The following CFAP77 variants were observed in gnomAD, a reference collection of about 807,000 sequenced individuals.
The protein encoded by CFAP77 is cilia- and flagella-associated protein 77.
CFAP77 carries 25 observed loss-of-function variants against 31.1 expected under a neutral mutation model. That is an observed-to-expected ratio of 0.80 (90% CI 0.59 to 1.12). The LOEUF (loss-of-function observed/expected upper bound fraction) is 1.12. Ranked by LOEUF, CFAP77 falls within the 50% of genes most tolerant of loss-of-function variation. The pLI, the probability that CFAP77 is intolerant of heterozygous loss-of-function variation, is 0.00. For missense variants in CFAP77, 377 were observed against 397.3 expected, an observed-to-expected ratio of 0.95 and a Z score of 0.44; for synonymous variants, 151 against 159.9, an observed-to-expected ratio of 0.94 and a Z score of 0.42.
intron 5 of CFAP77, among the ~76,000 whole-genome samples, chr9:132,559,407 CAAAT>C (rs961487800): frequency 1.7e-5 from 2 of 118,828 alleles, no homozygotes; most frequent in African/African-American, 6.7e-5. Context: ...AGGAGATAAA[CAAAT>C]AAACACATGA....
intron 1 of CFAP77, among the ~76,000 whole-genome samples, chr9:132,438,968 C>G (rs562178615): frequency 4.0e-5 from 6 of 148,406 alleles, no homozygotes; most frequent in Admixed American, 6.7e-5. Flanking sequence ...CTCTGCCTCC[C>G]GGGTTCAAGC....
At chr9:132,432,841 G>A (rs1215035529) in intron 1 of CFAP77, among the ~76,000 whole-genome samples, 1 of 152,098 alleles carries the variant, frequency 6.6e-6, no homozygotes, top group Non-Finnish European at 1.5e-5. Flanking sequence ...AGCCTCCCGA[G>A]TAGCTGGGAC....
intron 1 of CFAP77, among the ~76,000 whole-genome samples, chr9:132,452,326 T>C (rs1056321836): frequency 6.6e-6 from 1 of 152,190 alleles, no homozygotes; most frequent in Non-Finnish European, 1.5e-5. Flanking sequence ...GTTGAGAACA[T>C]TCTTACAGCA....
intron 1 of CFAP77, among the ~76,000 whole-genome samples, chr9:132,493,802 C>T (rs746506028): frequency 1.1e-4 from 17 of 152,264 alleles, no homozygotes; most frequent in Non-Finnish European, 1.8e-4. Flanking sequence ...TGGTTGCCCA[C>T]AGTAACGTTC....
chr9:132,460,712 T>C (rs1475427929), intron 1 of CFAP77, among the ~76,000 whole-genome samples: 1 of 152,088 alleles, frequency 6.6e-6, no homozygotes, highest in African/African-American at 2.4e-5. Context: ...TGTGCAACAT[T>C]GTGAATCTAC....
At chr9:132,537,570 C>T (rs774679682) in intron 3 of CFAP77, 31 bp from the exon 4 acceptor site, 6 of 1,569,280 alleles carry the variant, frequency 3.8e-6, no homozygotes, top group African/African-American at 2.7e-5. Context: ...TTTCCGGGGC[C>T]TCAAGCTCTG....
At chr9:132,506,719 G>C (rs1851936519) in intron 3 of CFAP77, among the ~76,000 whole-genome samples, 1 of 152,134 alleles carries the variant, frequency 6.6e-6, no homozygotes, top group African/African-American at 2.4e-5. Flanking sequence ...CACTGCCGAG[G>C]TCCTCAGGAG....
At chr9:132,452,805 T>G (rs931783130) in intron 1 of CFAP77, among the ~76,000 whole-genome samples, 1 of 152,134 alleles carries the variant, frequency 6.6e-6, no homozygotes, top group African/African-American at 2.4e-5. Flanking sequence ...CTAAACAGCC[T>G]GGAGACCCAC....
At position 132,498,906 on chromosome 9, in the gene CFAP77, A is replaced by G; in HGVS notation, c.295+112A>G. 1.3e-6 allele frequency: 1 copy of G among 784,380 alleles called. No individual in the cohort carries two copies. Among genetic ancestry groups the G allele is most frequent in the Non-Finnish European group, 2.1e-6 (1 of 484,368 alleles). The allele number at this position is 784,380 out of a possible 1,614,324, so 48.6% of individuals were successfully genotyped here. On this transcript the variant is annotated intron_variant, in intron 2 of 5. Transcript: ENST00000393216. This position sits in a 1 kb window ranked among gnomAD's most constrained non-coding sequence, Gnocchi z 4.2. ...TTGGCAGCTGGTTGGGTGCTGGAGA[A>G]AGACCCAGGGACCGCCAGCCTGGGC...
rs564922926 is a variant in CFAP77 at position 132,495,986 on chromosome 9, C to T, written c.196-2709C>T. ...ATAAATGTCTATTGTTGAAGCCACC[C>T]AGTCAATGATAATTTGCTATGGCAG... On this transcript the variant is annotated intron_variant, in intron 1 of 5. Coordinates refer to ENST00000393216, the MANE Select transcript of CFAP77 (RefSeq NM_001282957.2). This position sits in a 1 kb window ranked among gnomAD's most constrained non-coding sequence, Gnocchi z 4.2. Among the ~76,000 whole-genome samples, 2 of 152,182 alleles carry T rather than the reference C, an allele frequency of 1.3e-5. No homozygotes were observed. Among genetic ancestry groups the T allele is most frequent in the Non-Finnish European group, 2.9e-5 (2 of 68,036 alleles).
intron 3 of CFAP77, among the ~76,000 whole-genome samples, chr9:132,523,558 C>T (rs1645983369): frequency 1.3e-5 from 2 of 152,196 alleles, no homozygotes; most frequent in South Asian, 2.1e-4. Context: ...ATCATGAAGG[C>T]CGTCGCTTTT....
chr9:132,467,269 A>G (rs984442069), intron 1 of CFAP77, among the ~76,000 whole-genome samples: 3 of 152,222 alleles, frequency 2.0e-5, no homozygotes, highest in Admixed American at 2.0e-4. Context: ...GTACCTTCAC[A>G]TCGTTTGTGT....
At chr9:132,542,448 C>T (rs531421871) in intron 4 of CFAP77, among the ~76,000 whole-genome samples, 2 of 152,334 alleles carry the variant, frequency 1.3e-5, no homozygotes, top group Non-Finnish European at 2.9e-5. Context: ...GAAATCACAC[C>T]TGCAGAGACA....
At chr9:132,516,956 C>T (rs1852158712) in intron 3 of CFAP77, among the ~76,000 whole-genome samples, 1 of 152,200 alleles carries the variant, frequency 6.6e-6, no homozygotes, top group Admixed American at 6.5e-5. Flanking sequence ...ACAGCCACGT[C>T]ATTCAGGAAG....
intron 5 of CFAP77, among the ~76,000 whole-genome samples, chr9:132,550,708 G>T (rs562986320): frequency 6.6e-6 from 1 of 151,856 alleles, no homozygotes; most frequent in African/African-American, 2.4e-5. Flanking sequence ...TAGAAACAGG[G>T]TCTCACTATG....
intron 1 of CFAP77, among the ~76,000 whole-genome samples, chr9:132,419,699 A>G (rs759205910): frequency 6.6e-6 from 1 of 151,360 alleles, no homozygotes; most frequent in African/African-American, 2.4e-5. Flanking sequence ...TTTCCTTTTT[A>G]TGCATTTAAG....
In CFAP77 at chr9:132,572,561, C is replaced by A; in HGVS notation, c.*51C>A. 6.4e-7 allele frequency: 1 copy of A among 1,561,170 alleles called. No homozygotes were observed. The stretch of plus-strand genomic sequence containing the variant: ...CCATCTTGACATAGTGGAAAATTCC[C>A]AGAAGGACTCCCTATCTTGCCCCAA... On this transcript the variant is annotated 3_prime_UTR_variant, in exon 6 of 6. Coordinates refer to ENST00000393216, the MANE Select transcript of CFAP77 (RefSeq NM_001282957.2).
chr9:132,505,526 T>G (rs573688338), intron 3 of CFAP77, among the ~76,000 whole-genome samples: 12 of 151,764 alleles, frequency 7.9e-5, no homozygotes, highest in Admixed American at 2.0e-4. Flanking sequence ...CGTGTAGACA[T>G]AGGGTCAGTC....
chr9:132,465,260 G>A (rs77299543), intron 1 of CFAP77, among the ~76,000 whole-genome samples: 1,636 of 152,158 alleles, frequency 0.011, 21 homozygotes, highest in African/African-American at 0.032. Context: ...TATGGAGTTC[G>A]ATTTTGGGTA....
Sources: gnomAD v4.1 joint callset for allele counts (sites outside exome capture counted in the v4.1 genomes callset) on GRCh38, gnomAD v4.1.1 for gene constraint, Gnocchi (gnomAD v3.1) non-coding constraint, MANE v1.5 for transcripts, NCBI Gene and HGNC (gene_info 2026-07-23, HGNC 2026-07-21) for gene names.